The following CDKL3 variants were observed in gnomAD, a reference collection of about 807,000 sequenced individuals.
CDKL3 encodes the protein cyclin-dependent kinase-like 3.
Under a neutral mutation model 69.3 loss-of-function variants are expected in CDKL3, and 65 were observed. That is an observed-to-expected ratio of 0.94 (90% confidence interval 0.77 to 1.15). CDKL3 has a LOEUF of 1.15. Ranked by LOEUF, CDKL3 falls within the 50% of genes most tolerant of loss-of-function variation. CDKL3 has a pLI of 0.00. For synonymous variants in CDKL3, 202 were observed against 221.6 expected, an observed-to-expected ratio of 0.91 and a Z score of 0.79; for missense variants, 652 against 689.2, an observed-to-expected ratio of 0.95 and a Z score of 0.61.
intron 4 of CDKL3, among the ~76,000 whole-genome samples, chr5:134,324,241 G>A (rs1773529995): frequency 6.6e-6 from 1 of 152,168 alleles, no homozygotes; most frequent in Non-Finnish European, 1.5e-5. Context: ...TTCATTGCTG[G>A]TAGAAACACA....
intron 4 of CDKL3, among the ~76,000 whole-genome samples, chr5:134,332,627 G>A (rs1466970857): frequency 6.6e-6 from 1 of 152,136 alleles, no homozygotes; most frequent in Non-Finnish European, 1.5e-5. Context: ...CATTTCTGAG[G>A]CCTCTGTTCT....
intron 4 of CDKL3, among the ~76,000 whole-genome samples, chr5:134,345,224 G>A (rs1461488517): frequency 6.6e-6 from 1 of 152,098 alleles, no homozygotes; most frequent in African/African-American, 2.4e-5. Context: ...GTACATATCT[G>A]TGAATACACT....
downstream of CDKL3, among the ~76,000 whole-genome samples, chr5:134,295,011 C>CTTTTTTTTTTTT (rs869256167): frequency 5.0e-5 from 5 of 100,410 alleles, no homozygotes; most frequent in African/African-American, 7.5e-5. Context: ...ATTTTTTTTT[C>CTTTTTTTTTTTT]TTTTTTTTTT....
intron 3 of CDKL3, among the ~76,000 whole-genome samples, chr5:134,355,996 G>A (rs1754515518): frequency 6.6e-6 from 1 of 152,178 alleles, no homozygotes. Context: ...ATGGTTTCAG[G>A]ATGCTTCAAG....
intron 2 of CDKL3, among the ~76,000 whole-genome samples, chr5:134,363,751 G>T (rs1253045224): frequency 6.6e-6 from 1 of 151,838 alleles, no homozygotes; most frequent in African/African-American, 2.4e-5. Context: ...GTGAACCACC[G>T]CGCCCAGCGT....
At chr5:134,340,321 A>G (rs1315039873) in intron 4 of CDKL3, among the ~76,000 whole-genome samples, 2 of 152,230 alleles carry the variant, frequency 1.3e-5, no homozygotes, top group East Asian at 3.8e-4. Flanking sequence ...AGACACTGGA[A>G]AAAGAAGGGC....
In CDKL3 at chr5:134,317,104, T is replaced by C. The variant is rs577094585; in HGVS notation, c.792+2254A>G. Among the ~76,000 whole-genome samples, 13 of 152,308 alleles carry C rather than the reference T, an allele frequency of 8.5e-5. No individual in the cohort carries two copies. In the South Asian group the frequency reaches 2.7e-3, roughly 32 times the overall value. ...ATTTTGTACTAAATATGTTGGTATA[T>C]GTATTACCTAGTTTAAATAAAACTT... On this transcript the variant is annotated intron_variant, in intron 6 of 12. Coordinates refer to ENST00000265334, the MANE Select transcript of CDKL3 (RefSeq NM_001113575.2).
chr5:134,350,831 GA>G (rs112330114), intron 3 of CDKL3, among the ~76,000 whole-genome samples: 19,920 of 82,288 alleles, frequency 0.24, 1,688 homozygotes, highest in African/African-American at 0.36. Flanking sequence ...AGAAAAAAAA[GA>G]AAAAAAAAAA....
intron 4 of CDKL3, among the ~76,000 whole-genome samples, chr5:134,330,469 C>G (rs762538413): frequency 6.6e-5 from 10 of 152,192 alleles, no homozygotes; most frequent in Admixed American, 2.0e-4. Context: ...AATCTCAACA[C>G]TTTGGTAGAC....
chr5:134,299,487 T>G, intron 12 of CDKL3: 1 of 1,226,742 alleles, frequency 8.2e-7, no homozygotes, highest in Non-Finnish European at 1.1e-6. Flanking sequence ...TTTTTATAAA[T>G]TCATGTTCAA....
chr5:134,319,336 AG>A (rs1323678822), intron 6 of CDKL3, 21 bp downstream of exon 6: 3 of 1,402,374 alleles, frequency 2.1e-6, no homozygotes, highest in African/African-American at 1.5e-5. Context: ...TCTCCGGGGG[AG>A]GAAAAAAAAA....
At chr5:134,367,368 C>CTTTTTTTTTTTTTTTTTTTTTTTT (rs57811547), upstream of CDKL3, 1 of 671,792 alleles carries the variant, frequency 1.5e-6, no homozygotes, top group Non-Finnish European at 1.7e-6. Context: ...GGATCTGCAT[C>CTTTTTTTTTTTTTTTTTTTTTTTT]TTTTTTTTTT....
upstream of CDKL3, chr5:134,371,558 T>G (rs1451341711): frequency 1.3e-6 from 2 of 1,547,230 alleles, no homozygotes; most frequent in Admixed American, 1.8e-5. Flanking sequence ...GCGCGGGACT[T>G]TTTTTTTTTC....
chr5:134,321,740 TG>T, intron 5 of CDKL3, 50 bp downstream of exon 5: 1 of 960,016 alleles, frequency 1.0e-6, no homozygotes, highest in Non-Finnish European at 1.6e-6. Flanking sequence ...AGAATTGATC[TG>T]GCAATATTTA....
At chr5:134,318,178 C>T (rs912876405) in intron 6 of CDKL3, among the ~76,000 whole-genome samples, 1 of 150,172 alleles carries the variant, frequency 6.7e-6, no homozygotes, top group Admixed American at 6.6e-5. Context: ...GAGATCGCGC[C>T]ATTGCACTCC....
At chr5:134,308,971 T>C (rs376374253) in intron 7 of CDKL3, among the ~76,000 whole-genome samples, 5 of 152,376 alleles carry the variant, frequency 3.3e-5, no homozygotes, top group Admixed American at 6.5e-5. Context: ...AATAGATTTA[T>C]ACTAATTAGA....
At chr5:134,303,994 C>T (rs1258274378) in intron 11 of CDKL3, among the ~76,000 whole-genome samples, 3 of 151,072 alleles carry the variant, frequency 2.0e-5, no homozygotes, top group South Asian at 2.1e-4. Context: ...AGTACAGTGG[C>T]GTGATCATGG....
intron 10 of CDKL3, among the ~76,000 whole-genome samples, chr5:134,305,436 A>G (rs1479368677): frequency 1.3e-5 from 2 of 152,090 alleles, no homozygotes; most frequent in Non-Finnish European, 2.9e-5. Context: ...TTAACTTTTC[A>G]TTTTTAATAC....
intron 6 of CDKL3, among the ~76,000 whole-genome samples, chr5:134,312,857 C>T (rs985477261): frequency 6.6e-6 from 1 of 152,096 alleles, no homozygotes; most frequent in Non-Finnish European, 1.5e-5. Context: ...TTTCAATAAC[C>T]CATTATTAAA....
Sources: gnomAD v4.1 joint callset for allele counts (sites outside exome capture counted in the v4.1 genomes callset) on GRCh38, gnomAD v4.1.1 for gene constraint, MANE v1.5 for transcripts, NCBI Gene and HGNC (gene_info 2026-07-23, HGNC 2026-07-21) for gene names.